The following RIMS1 variants were observed in gnomAD, a reference collection of about 807,000 sequenced individuals.
RIMS1 encodes the protein regulating synaptic membrane exocytosis 1, also known as regulating synaptic membrane exocytosis protein 1.
In RIMS1, 83 loss-of-function variants were observed where a neutral mutation model predicts 214.1. The ratio of observed to expected loss-of-function variants is 0.39; its 90% confidence interval spans 0.32 to 0.47. The LOEUF (loss-of-function observed/expected upper bound fraction) is 0.47, where lower values mean the gene tolerates loss of function less well. RIMS1 is among the 20% of genes least tolerant of loss of function. The pLI is 0.99. For synonymous variants in RIMS1, 793 were observed against 786.8 expected (o/e 1.01, Z -0.13); for missense variants, 2,050 against 2,161.8 (o/e 0.95, Z 1.03).
At chr6:72,015,218 C>T (rs891719829) in intron 2 of RIMS1, among the ~76,000 whole-genome samples, 5 of 152,048 alleles carry the variant, frequency 3.3e-5, no homozygotes, top group Non-Finnish European at 5.9e-5. Context: ...GTTTTGCCTG[C>T]GTTTTGACTG....
At chr6:71,973,032 C>T (rs1796256306) in intron 2 of RIMS1, among the ~76,000 whole-genome samples, 1 of 152,170 alleles carries the variant, frequency 6.6e-6, no homozygotes, top group Admixed American at 6.5e-5. Flanking sequence ...TCTTCTGCCT[C>T]CCAAGTAGCT....
At chr6:72,051,167 C>T (rs1201684697) in intron 2 of RIMS1, among the ~76,000 whole-genome samples, 1 of 152,134 alleles carries the variant, frequency 6.6e-6, no homozygotes, top group African/African-American at 2.4e-5. Flanking sequence ...CTGACAAAGG[C>T]CGGAGACTGC....
intron 29 of RIMS1, among the ~76,000 whole-genome samples, chr6:72,341,087 CT>C (rs2097070027): frequency 6.6e-6 from 1 of 151,850 alleles, no homozygotes; most frequent in African/African-American, 2.4e-5. Context: ...CTCTGTTTGT[CT>C]GTTATTGGTG....
chr6:72,259,631 G>A (rs1417226398), intron 18 of RIMS1, among the ~76,000 whole-genome samples: 3 of 151,866 alleles, frequency 2.0e-5, no homozygotes, highest in Non-Finnish European at 2.9e-5. Context: ...CAATTATTGA[G>A]ATGGGTTCTT....
chr6:72,259,165 A>ATCTG, intron 18 of RIMS1, 54 bp downstream of exon 18: 1 of 1,484,764 alleles, frequency 6.7e-7, no homozygotes, highest in Non-Finnish European at 9.3e-7. Context: ...CTGTTTTAAT[A>ATCTG]TATACAGATA....
chr6:72,334,539 C>G (rs17728022), intron 29 of RIMS1, among the ~76,000 whole-genome samples: 7,177 of 151,698 alleles, frequency 0.047, 216 homozygotes, highest in South Asian at 0.073. Context: ...ATAAAATTGG[C>G]CAGACAGATT....
intron 6 of RIMS1, among the ~76,000 whole-genome samples, chr6:72,186,222 A>G (rs2049075401): frequency 6.6e-6 from 1 of 152,242 alleles, no homozygotes; most frequent in African/African-American, 2.4e-5. Context: ...CATCAACTGT[A>G]CTTCACAAGT....
At chr6:72,252,260 C>T (rs1416006420) in intron 15 of RIMS1, among the ~76,000 whole-genome samples, 2 of 151,994 alleles carry the variant, frequency 1.3e-5, no homozygotes, top group African/African-American at 4.8e-5. Context: ...CAGTAATTTC[C>T]TCAAAGTTAA....
intron 26 of RIMS1, among the ~76,000 whole-genome samples, chr6:72,304,035 G>A (rs2094902712): frequency 6.6e-6 from 1 of 151,206 alleles, no homozygotes; most frequent in African/African-American, 2.4e-5. Context: ...GAAATTGCAT[G>A]ATAATTACAT....
intron 4 of RIMS1, among the ~76,000 whole-genome samples, chr6:72,151,940 A>T (rs957413602): frequency 1.1e-4 from 16 of 152,164 alleles, no homozygotes; most frequent in Admixed American, 3.3e-4. Context: ...GAACCAGTGT[A>T]GCACATGGCC....
chr6:72,095,318 CATG>C (rs2031184347), intron 2 of RIMS1, among the ~76,000 whole-genome samples: 1 of 151,996 alleles, frequency 6.6e-6, no homozygotes, highest in Admixed American at 6.6e-5. Context: ...TGCCATTTTG[CATG>C]ATAACTTTTG....
intron 28 of RIMS1, chr6:72,316,648 C>A: frequency 1.9e-6 from 1 of 517,922 alleles, no homozygotes. Flanking sequence ...CACCAGGTCC[C>A]AAGCATGGCT....
intron 2 of RIMS1, among the ~76,000 whole-genome samples, chr6:72,071,976 T>A (rs977265609): frequency 1.3e-5 from 2 of 152,122 alleles, no homozygotes; most frequent in African/African-American, 4.8e-5. Flanking sequence ...GCCAAAAGGG[T>A]AATGCCAGTT....
rs2098831611 is a variant in RIMS1, at chr6:72,400,941, C to T, written c.*227C>T. The T allele has an allele frequency of 3.9e-6, 2 of 512,404 alleles. No individual in the cohort carries two copies. The highest frequency in any genetic ancestry group is 3.8e-5 in the African/African-American group (2 of 52,502). 31.7% of individuals were successfully genotyped at this position (512,404 alleles called of 1,614,324 possible). A position where few individuals can be genotyped will look rare whatever the true frequency, so the allele number is the denominator to read the frequency against. On this transcript the variant is annotated 3_prime_UTR_variant, in exon 34 of 34. Transcript: ENST00000521978. ...GAAGAATCAACATGCTGGTGAGAGTCACTGATGCTTCTAACAAATAGAAAA... is the reference window on the plus strand; with the variant it reads ...GAAGAATCAACATGCTGGTGAGAGTTACTGATGCTTCTAACAAATAGAAAA...
Position 72,036,812 on chromosome 6 carries a change from G to A in RIMS1, c.246-60137G>A, listed in dbSNP as rs373928796. On this transcript the variant is annotated intron_variant, in intron 2 of 33. Transcript: ENST00000521978. ...CCATCTAAAGTGCAGAGCTGTTAAAGTTGTCACGCATGTAGAGTTGTTCTC... is the reference window on the plus strand; with the variant it reads ...CCATCTAAAGTGCAGAGCTGTTAAAATTGTCACGCATGTAGAGTTGTTCTC... Among the ~76,000 whole-genome samples the A allele has an allele frequency of 2.0e-5, 3 of 152,288 alleles. No homozygotes were observed. The South Asian group carries it at 6.2e-4, about 32-fold the overall frequency.
chr6:72,003,698 G>T (rs989202172), intron 2 of RIMS1, among the ~76,000 whole-genome samples: 1 of 151,848 alleles, frequency 6.6e-6, no homozygotes, highest in Non-Finnish European at 1.5e-5. Context: ...CTATATGACT[G>T]TGTCCAAAAT....
chr6:72,058,709 C>A (rs1020611462), intron 2 of RIMS1, among the ~76,000 whole-genome samples: 2 of 152,148 alleles, frequency 1.3e-5, no homozygotes, highest in African/African-American at 2.4e-5. Flanking sequence ...TCAGAGGAGT[C>A]CTCCTTCCTC....
chr6:72,256,016 C>A (rs9351904), intron 16 of RIMS1, among the ~76,000 whole-genome samples: 94,201 of 139,026 alleles, frequency 0.68, 31,449 homozygotes, highest in East Asian at 0.97. Flanking sequence ...CAGAGCGAGA[C>A]TCCATCTGAA....
intron 30 of RIMS1, among the ~76,000 whole-genome samples, chr6:72,391,467 T>C (rs1322342948): frequency 6.6e-6 from 1 of 151,962 alleles, no homozygotes; most frequent in Non-Finnish European, 1.5e-5. Flanking sequence ...ATCTTACAAA[T>C]AAGTAATTAA....
Sources: allele counts gnomAD v4.1 joint callset (sites outside exome capture counted in the v4.1 genomes callset), GRCh38; gene constraint gnomAD v4.1.1; transcripts MANE v1.5; gene names NCBI Gene and HGNC (gene_info 2026-07-23, HGNC 2026-07-21).